MITF: variants seen among roughly 807,000 people sequenced by gnomAD.
The protein encoded by MITF is melanocyte inducing transcription factor, also known as microphthalmia-associated transcription factor.
MITF carries 17 observed loss-of-function variants against 60.5 expected under a neutral mutation model. The ratio of observed to expected loss-of-function variants is 0.28; its 90% CI spans 0.19 to 0.42. The LOEUF (loss-of-function observed/expected upper bound fraction) is 0.42. Ranked by LOEUF, MITF falls within the 10% of genes least tolerant of loss-of-function variation. The pLI is 1.00. For missense variants in MITF, 622 were observed against 683.5 expected, an observed-to-expected ratio of 0.91 and a Z score of 1.00; for synonymous variants, 260 against 248.5, an observed-to-expected ratio of 1.05 and a Z score of -0.43.
intron 1 of MITF, among the ~76,000 whole-genome samples, chr3:69,779,803 C>T (rs1365647562): frequency 6.6e-6 from 1 of 152,100 alleles, no homozygotes; most frequent in Non-Finnish European, 1.5e-5. Context: ...CAGTGTCACC[C>T]AGTAGTAACA....
At chr3:69,885,204 G>A (rs1030792456) in intron 2 of MITF, among the ~76,000 whole-genome samples, 2 of 152,050 alleles carry the variant, frequency 1.3e-5, no homozygotes, top group Admixed American at 1.3e-4. Context: ...CTTTAAGTAG[G>A]AGAATCTTTG....
chr3:69,850,700 G>T (rs755831528), intron 1 of MITF, among the ~76,000 whole-genome samples: 1 of 152,162 alleles, frequency 6.6e-6, no homozygotes, highest in Non-Finnish European at 1.5e-5. Context: ...TTTTTCTTGG[G>T]CATTTCCATT....
chr3:69,963,932 C>A (rs1418403672), intron 9 of MITF, among the ~76,000 whole-genome samples: 2 of 151,032 alleles, frequency 1.3e-5, no homozygotes, highest in African/African-American at 4.9e-5. Context: ...AGCTGAAGGA[C>A]CATGAACTCT....
intron 2 of MITF, among the ~76,000 whole-genome samples, chr3:69,925,415 C>G (rs2065563625): frequency 6.6e-6 from 1 of 152,048 alleles, no homozygotes; most frequent in Non-Finnish European, 1.5e-5. Context: ...CTGTGTGCAC[C>G]ATTTATAACA....
intron 2 of MITF, among the ~76,000 whole-genome samples, chr3:69,931,142 G>A (rs2065714086): frequency 6.6e-6 from 1 of 152,182 alleles, no homozygotes; most frequent in Non-Finnish European, 1.5e-5. Context: ...AGGAGCGCAT[G>A]TAAAATGCAT....
intron 5 of MITF, among the ~76,000 whole-genome samples, chr3:69,946,075 T>C (rs1262593213): frequency 1.3e-5 from 2 of 152,202 alleles, no homozygotes; most frequent in Non-Finnish European, 2.9e-5. Flanking sequence ...ATTAGAATAC[T>C]GTATTGTTAA....
At chr3:69,963,970 C>T (rs149495690) in intron 9 of MITF, among the ~76,000 whole-genome samples, 52 of 86,102 alleles carry the variant, frequency 6.0e-4, no homozygotes, top group South Asian at 8.8e-4. Flanking sequence ...TTTTTCTTTT[C>T]TTTTTTTTTT....
intron 5 of MITF, among the ~76,000 whole-genome samples, chr3:69,942,200 A>G (rs2065984299): frequency 6.6e-6 from 1 of 152,134 alleles, no homozygotes; most frequent in Non-Finnish European, 1.5e-5. Context: ...GAGTTGTTTA[A>G]TGGGTATGGA....
Position 69,941,368 on chromosome 3 carries a change from G to T in MITF, c.762+37G>T, listed in dbSNP as rs569548850. On this transcript the variant is annotated intron_variant, in intron 5 of 9. Coordinates refer to ENST00000352241, the MANE Select transcript of MITF (RefSeq NM_001354604.2). ...CTTTTTTTAAGTAGAAAATCTTGAG[G>T]TGTTTCCAGGGTTCTTTTCTTTTTT... 4.5e-6 allele frequency: 6 copies of T among 1,339,744 alleles called. No individual in the cohort carries two copies. The South Asian group carries it at 6.0e-5, about 13-fold the overall frequency. The allele number at this position is 1,339,744 out of a possible 1,614,324, so 83.0% of individuals were successfully genotyped here.
At chr3:69,841,952 C>A (rs1259495493) in intron 1 of MITF, among the ~76,000 whole-genome samples, 1 of 152,084 alleles carries the variant, frequency 6.6e-6, no homozygotes, top group Non-Finnish European at 1.5e-5. Context: ...CCACAGTGGG[C>A]AAATACATTC....
chr3:69,754,221 CTT>C (rs1192690222), intron 1 of MITF, among the ~76,000 whole-genome samples: 8 of 144,250 alleles, frequency 5.5e-5, no homozygotes, highest in East Asian at 2.0e-4. Flanking sequence ...TCTCTCTCTC[CTT>C]TTTTTTTTTT....
chr3:69,951,807 C>A lies in MITF; in HGVS notation c.881-5C>A. 6.2e-7 allele frequency: 1 copy of A among 1,612,304 alleles called. No individual in the cohort carries two copies. Among genetic ancestry groups the A allele is most frequent in the Non-Finnish European group, 8.5e-7 (1 of 1,178,622 alleles). The stretch of plus-strand genomic sequence containing the variant: ...AACTTCTAATGACTTCATTCACGTG[C>A]ACAGCGTGTATTTTTCCCACAGAGT... On this transcript the variant is annotated splice_region_variant and splice_polypyrimidine_tract_variant and intron_variant, in intron 6 of 9. Transcript: ENST00000352241.
At chr3:69,951,779 T>C in intron 6 of MITF, 33 bp from the exon 7 acceptor site, 1 of 1,575,382 alleles carries the variant, frequency 6.3e-7, no homozygotes, top group South Asian at 1.1e-5. Context: ...TTCAAACAGT[T>C]CCAACTTCTA....
intron 1 of MITF, among the ~76,000 whole-genome samples, chr3:69,793,918 G>A (rs539098936): frequency 2.0e-5 from 3 of 152,286 alleles, no homozygotes; most frequent in Non-Finnish European, 4.4e-5. Context: ...ATATTTTCTG[G>A]CTGTGGTGGG....
intron 5 of MITF, among the ~76,000 whole-genome samples, chr3:69,943,527 A>G (rs927016806): frequency 2.0e-5 from 3 of 152,148 alleles, no homozygotes; most frequent in African/African-American, 7.2e-5. Context: ...GTATTCAATA[A>G]TGTTATCTAA....
At chr3:69,918,390 T>A (rs2065385439) in intron 2 of MITF, among the ~76,000 whole-genome samples, 1 of 152,202 alleles carries the variant, frequency 6.6e-6, no homozygotes, top group African/African-American at 2.4e-5. Flanking sequence ...ATTGGTGTCT[T>A]TTCCTGGTAT....
At chr3:69,961,580 A>G (rs2066549149) in intron 9 of MITF, among the ~76,000 whole-genome samples, 1 of 150,942 alleles carries the variant, frequency 6.6e-6, no homozygotes, top group Admixed American at 6.6e-5. Context: ...AAAAGAAAAG[A>G]AAAATTAGCT....
chr3:69,941,623 G>A (rs533365366), intron 5 of MITF, among the ~76,000 whole-genome samples: 6 of 152,242 alleles, frequency 3.9e-5, no homozygotes, highest in African/African-American at 1.4e-4. Context: ...GCCCAACCCA[G>A]TACACTGCAG....
At chr3:69,789,159 C>CT (rs770026650) in intron 1 of MITF, among the ~76,000 whole-genome samples, 1 of 152,038 alleles carries the variant, frequency 6.6e-6, no homozygotes, top group African/African-American at 2.4e-5. Context: ...AACTTAAAAT[C>CT]TTTTGTGCAT....
Sources: gnomAD v4.1 joint callset for allele counts (sites outside exome capture counted in the v4.1 genomes callset) on GRCh38, gnomAD v4.1.1 for gene constraint, MANE v1.5 for transcripts, NCBI Gene and HGNC (gene_info 2026-07-23, HGNC 2026-07-21) for gene names.